Variants in SPEN observed in about 807,000 individuals in gnomAD.
SPEN encodes msx2-interacting protein.
Under a neutral mutation model 269.9 loss-of-function variants are expected in SPEN, and 18 were observed. That is an observed-to-expected ratio of 0.07 (90% CI 0.05 to 0.10). The LOEUF (loss-of-function observed/expected upper bound fraction) is 0.10. SPEN is among the 10% of genes least tolerant of loss of function. SPEN has a pLI of 1.00. For synonymous variants in SPEN, 1,726 were observed against 1,765.7 expected (o/e 0.98, Z 0.56); for missense variants, 3,822 against 4,631.2 (o/e 0.83, Z 5.07).
At position 15,847,833 on chromosome 1, in the gene SPEN, G is replaced by A. The variant is rs2070287058; in HGVS notation, c.-235G>A. The A allele has an allele frequency of 4.0e-6, 1 of 248,818 alleles. No individual in the cohort carries two copies. The highest frequency in any genetic ancestry group is 6.6e-5 in the East Asian group (1 of 15,042). 15.4% of individuals were successfully genotyped at this position (248,818 alleles called of 1,614,324 possible). A position where few individuals can be genotyped will look rare whatever the true frequency, so the allele number is the denominator to read the frequency against. ...GCGCATGCGCTGCCGGAGCGCGAGGGTCGGCTTCGGGTGTGTGGTGGCGGC... is the reference window on the plus strand; with the variant it reads ...GCGCATGCGCTGCCGGAGCGCGAGGATCGGCTTCGGGTGTGTGGTGGCGGC... On this transcript the variant is annotated 5_prime_UTR_variant, in exon 1 of 15. Coordinates refer to ENST00000375759, the MANE Select transcript of SPEN (RefSeq NM_015001.3).
At position 15,938,849 on chromosome 1, in the gene SPEN, C is replaced by G; in HGVS notation, c.10836C>G (p.Ile3612Met). 6.2e-7 allele frequency: 1 copy of G among 1,614,044 alleles called. No homozygotes were observed. The highest frequency in any genetic ancestry group is 8.5e-7 in the Non-Finnish European group (1 of 1,179,996). The change falls in exon 14 of 15, where the codon ATC becomes ATG. Residue 3612 changes from isoleucine (I) to methionine (M), a missense_variant. By Grantham distance (10) the Ile-to-Met change is conservative (BLOSUM62 1). Transcript: ENST00000375759. ...AGGCCAAGCAGGCGGCAGGGATCAT[C>G]AACGTTCCCAACCCTGGCTCCAATC... ...YLQAKQAAGIINVPNPGSNQP... is the reference protein window; with the variant it reads ...YLQAKQAAGIMNVPNPGSNQP...
chr1:15,878,034 T>G (rs1375407454), intron 3 of SPEN, among the ~76,000 whole-genome samples: 1 of 152,046 alleles, frequency 6.6e-6, no homozygotes, highest in Non-Finnish European at 1.5e-5. Flanking sequence ...TGTGAGCTAC[T>G]GCGCCTGGCC....
intron 3 of SPEN, among the ~76,000 whole-genome samples, chr1:15,884,822 C>T (rs1047368695): frequency 6.6e-6 from 1 of 151,570 alleles, no homozygotes; most frequent in Non-Finnish European, 1.5e-5. Context: ...CAACCTCTGC[C>T]TCCCAGGTTC....
chr1:15,867,052 T>G (rs76389011), intron 1 of SPEN, among the ~76,000 whole-genome samples: 5,303 of 152,258 alleles, frequency 0.035, 299 homozygotes, highest in African/African-American at 0.12. Flanking sequence ...TTTTAATATA[T>G]TCACAGAGTT....
rs1017922404 is a variant in SPEN at position 15,852,118 on chromosome 1, C to T, written c.83+3968C>T. On this transcript the variant is annotated intron_variant, in intron 1 of 14. Transcript: ENST00000375759. ...TTTATGTATATTCAGATATCTTTACCTCTGGGACACAATATAAAATATTGA... is the reference window on the plus strand; with the variant it reads ...TTTATGTATATTCAGATATCTTTACTTCTGGGACACAATATAAAATATTGA... Among the ~76,000 whole-genome samples the T allele has an allele frequency of 3.4e-4, 52 of 152,074 alleles. 1 individual carries two copies. Among genetic ancestry groups the T allele is most frequent in the African/African-American group, 1.2e-3 (50 of 41,394 alleles).
chr1:15,886,720 C>A (rs947238166), intron 3 of SPEN, among the ~76,000 whole-genome samples: 2 of 152,192 alleles, frequency 1.3e-5, no homozygotes, highest in African/African-American at 4.8e-5. Context: ...TTCTGCACTG[C>A]CAGTGCTTGG....
chr1:15,857,066 A>AT (rs993446139), intron 1 of SPEN, among the ~76,000 whole-genome samples: 311 of 142,800 alleles, frequency 2.2e-3, no homozygotes, highest in Non-Finnish European at 2.3e-3. Context: ...TCCTTCCTGT[A>AT]TTTTTTTTTT....
rs1014687757 is a variant in SPEN at position 15,935,145 on chromosome 1, G to A, written c.8905G>A (p.Glu2969Lys). 3 of 1,613,842 alleles carry A rather than the reference G, an allele frequency of 1.9e-6. No homozygotes were observed. Among genetic ancestry groups the A allele is most frequent in the Non-Finnish European group, 2.5e-6 (3 of 1,179,942 alleles). Residue 2969 changes from glutamate to lysine, a missense_variant, in exon 11 of 15, where the codon GAG (glutamate) becomes AAG (lysine). Glu to Lys is a moderately conservative substitution (Grantham distance 56). Coordinates refer to ENST00000375759, the MANE Select transcript of SPEN (RefSeq NM_015001.3). This position sits in a 1 kb window ranked among gnomAD's most constrained non-coding sequence, Gnocchi z 7.7. Reference sequence around the variant, plus strand: ...TGCTGACCCCGTCACCCTTAAAATCGAGACCAAGGTCCTTCAGCCGGCCAA... The same window carrying A: ...TGCTGACCCCGTCACCCTTAAAATCAAGACCAAGGTCCTTCAGCCGGCCAA... ...KLADPVTLKI[E>K]TKVLQPANLG...
chr1:15,901,665 A>AC lies in SPEN; in HGVS notation c.882-7656_882-7655insC, dbSNP rs1461256633. 8.6e-4 allele frequency among the ~76,000 whole-genome samples: 129 copies of AC among 149,336 alleles called. No homozygotes were observed. In the East Asian group the frequency reaches 0.011, roughly 13 times the overall value. ...ACTCCATCTCAAAAAAAAAAAAAAA[A>AC]AAAACACCAACAAAAGAGGCTTAAA... is the stretch of plus-strand genomic sequence containing the variant. On this transcript the variant is annotated intron_variant, in intron 3 of 14. Transcript: ENST00000375759.
chr1:15,876,610 C>T lies in SPEN; in HGVS notation c.813C>T (p.Gly271=), dbSNP rs781429547. The change falls in exon 3 of 15, where the codon GGC becomes GGT. Residue 271 remains glycine, a synonymous_variant. Transcript: ENST00000375759. ...QASRPTRSPS[G]SGSRSRSSSS... ...CTAGACCCACAAGGTCCCCTAGCGG[C>T]AGCGGCTCTAGAAGTAGATCCTCCA... 2 of 1,613,996 alleles carry T rather than the reference C, an allele frequency of 1.2e-6. No homozygotes were observed. The highest frequency in any genetic ancestry group is 1.7e-5 in the Admixed American group (1 of 60,010).
chr1:15,907,441 A>C (rs1223284442), intron 3 of SPEN, among the ~76,000 whole-genome samples: 1 of 152,074 alleles, frequency 6.6e-6, no homozygotes, highest in Non-Finnish European at 1.5e-5. Context: ...GCACCACTGC[A>C]CTCCAGCCTG....
chr1:15,892,012 C>CTTTTTTTT (rs71003216), intron 3 of SPEN, among the ~76,000 whole-genome samples: 52 of 74,574 alleles, frequency 7.0e-4, no homozygotes, highest in African/African-American at 2.1e-3. Flanking sequence ...TTTCTTTTTA[C>CTTTTTTTT]TTTTTTTTTT....
intron 10 of SPEN, among the ~76,000 whole-genome samples, chr1:15,924,463 T>C (rs895628268): frequency 1.3e-5 from 2 of 152,158 alleles, no homozygotes; most frequent in Non-Finnish European, 2.9e-5. Context: ...AAAATCTATT[T>C]TTTTTTTGTT....
At chr1:15,895,414 A>G (rs550712142) in intron 3 of SPEN, among the ~76,000 whole-genome samples, 2 of 152,286 alleles carry the variant, frequency 1.3e-5, no homozygotes, top group South Asian at 4.1e-4. Context: ...GTGGAACCAC[A>G]CAGCATTTGT....
chr1:15,936,792 G>A (rs151005781), intron 11 of SPEN, among the ~76,000 whole-genome samples: 4 of 152,272 alleles, frequency 2.6e-5, no homozygotes, highest in East Asian at 1.9e-4. Flanking sequence ...AAAGAAATCC[G>A]CCTTTTGGTA....
chr1:15,938,146 T>C (rs1415668330), intron 13 of SPEN, 140 bp downstream of exon 13: 6 of 799,196 alleles, frequency 7.5e-6, no homozygotes, highest in Non-Finnish European at 9.6e-6. Flanking sequence ...CTCTGTCGCC[T>C]GGGCTGGAGT....
chr1:15,930,908 T>G lies in SPEN; in HGVS notation c.4668T>G (p.Ile1556Met). Residue 1556 changes from isoleucine (I) to methionine (M), a missense_variant, in exon 11 of 15, where the codon ATT becomes ATG. Ile to Met is a conservative substitution (Grantham distance 10, BLOSUM62 1). This residue lies in a region of SPEN where 533 missense variants were observed against 618.8 expected (regional missense o/e 0.86). Coordinates refer to ENST00000375759, the MANE Select transcript of SPEN (RefSeq NM_015001.3). This position sits in a 1 kb window ranked among gnomAD's most constrained non-coding sequence, Gnocchi z 5.3. Reference protein sequence around the residue: ...LERKEEDSDFISGRIYGKQTS... With the variant: ...LERKEEDSDFMSGRIYGKQTS... The stretch of plus-strand genomic sequence containing the variant: ...GAAAAGAGGAAGATTCTGACTTCAT[T>G]TCTGGTAGGATCTATGGGAAGCAGA... 1 of 1,614,072 alleles carries G rather than the reference T, an allele frequency of 6.2e-7. No individual in the cohort carries two copies.
Position 15,928,516 on chromosome 1 carries a change from C to T in SPEN, c.2276C>T (p.Ser759Phe). ...TCTGAGAGGAGGCTTTACAGCCGAT[C>T]CTCAGACCGGAGTGGAAGCTGTAGC... ...SDSERRLYSR[S>F]SDRSGSCSSL... is the part of the protein sequence containing the mutation. Residue 759 changes from serine (S) to phenylalanine (F), a missense_variant, in exon 11 of 15, where the codon TCC (serine) becomes TTC (phenylalanine). Around this residue, in one of 16 missense-constraint regions of SPEN, gnomAD observed 572 missense variants for 582.6 expected, o/e 0.98. Coordinates refer to ENST00000375759, the MANE Select transcript of SPEN (RefSeq NM_015001.3). The surrounding 1 kb of genome is among the most constrained non-coding windows in gnomAD (Gnocchi z 5.7). The T allele has an allele frequency of 6.2e-7, 1 of 1,614,088 alleles. No individual in the cohort carries two copies. The highest frequency in any genetic ancestry group is 8.5e-7 in the Non-Finnish European group (1 of 1,180,004).
chr1:15,885,163 G>A (rs2070725162), intron 3 of SPEN, among the ~76,000 whole-genome samples: 1 of 152,054 alleles, frequency 6.6e-6, no homozygotes. Flanking sequence ...ATAATTTCTG[G>A]ATTCAGTGGT....
Sources: allele counts gnomAD v4.1 joint callset (sites outside exome capture counted in the v4.1 genomes callset), GRCh38; gene constraint gnomAD v4.1.1; regional missense constraint gnomAD v4.1.1; non-coding constraint Gnocchi (gnomAD v3.1); transcripts MANE v1.5; gene names NCBI Gene and HGNC (gene_info 2026-07-23, HGNC 2026-07-21).